The following NEURL1 variants were observed in gnomAD, a reference collection of about 807,000 sequenced individuals.
NEURL1 encodes neuralized E3 ubiquitin protein ligase 1, also known as E3 ubiquitin-protein ligase NEURL1.
NEURL1 carries 26 observed loss-of-function variants against 41.2 expected under a neutral mutation model. The ratio of observed to expected loss-of-function variants is 0.63; its 90% CI spans 0.46 to 0.87. NEURL1 has a LOEUF of 0.87. Among genes scored for constraint, NEURL1 ranks in the 40% least tolerant of loss-of-function variants. The pLI is 0.00. For missense variants in NEURL1, 761 were observed against 871.1 expected, an observed-to-expected ratio of 0.87 and a Z score of 1.59; for synonymous variants, 400 against 402.3, an observed-to-expected ratio of 0.99 and a Z score of 0.07.
chr10:103,540,356 C>A (rs1187288992), intron 1 of NEURL1, among the ~76,000 whole-genome samples: 5 of 152,072 alleles, frequency 3.3e-5, no homozygotes, highest in East Asian at 3.9e-4. Context: ...GTGGCCTGAT[C>A]TCAGCTCACT....
At chr10:103,574,137 T>C (rs1016257836) in intron 3 of NEURL1, among the ~76,000 whole-genome samples, 2 of 152,106 alleles carry the variant, frequency 1.3e-5, no homozygotes, top group African/African-American at 2.4e-5. Context: ...AGATGCGTTG[T>C]TAGATGAAGA....
intron 4 of NEURL1, among the ~76,000 whole-genome samples, chr10:103,587,508 C>T (rs2035947026): frequency 1.3e-5 from 2 of 152,166 alleles, no homozygotes; most frequent in South Asian, 4.2e-4. Flanking sequence ...GTTTGAAGAT[C>T]CTGACTGACT....
At position 103,571,022 on chromosome 10, in the gene NEURL1, G is replaced by A; in HGVS notation, c.236G>A (p.Ser79Asn). The change falls in exon 2 of 6, where the codon AGC becomes AAC. Residue 79 changes from serine (S) to asparagine (N), a missense_variant. Ser to Asn is a conservative substitution (Grantham distance 46). This residue lies in a region of NEURL1 where 65 missense variants were observed against 131.6 expected (regional missense o/e 0.49). Coordinates refer to ENST00000369780, the MANE Select transcript of NEURL1 (RefSeq NM_004210.5). ...TKGSQILMDL[S>N]HKAVKRQASF... is the part of the protein sequence containing the mutation. ...GGCTCCCAGATCCTCATGGACCTCAGCCACAAGGCTGTCAAGAGGCAGGCC... is the reference window on the plus strand; with the variant it reads ...GGCTCCCAGATCCTCATGGACCTCAACCACAAGGCTGTCAAGAGGCAGGCC... The A allele has an allele frequency of 6.2e-7, 1 of 1,614,026 alleles. No homozygotes were observed. The highest frequency in any genetic ancestry group is 8.5e-7 in the Non-Finnish European group (1 of 1,180,006).
intron 1 of NEURL1, among the ~76,000 whole-genome samples, chr10:103,547,561 A>C (rs1047546347): frequency 2.0e-5 from 3 of 152,354 alleles, no homozygotes; most frequent in Non-Finnish European, 4.4e-5. Flanking sequence ...CAAGAGCCAG[A>C]GGAAGCAGAA....
rs574623651 is a variant in NEURL1 at position 103,494,547 on chromosome 10, C to T, written c.85+75C>T. 1.3e-5 allele frequency: 17 copies of T among 1,271,792 alleles called. No homozygotes were observed. The East Asian group carries it at 1.8e-4, about 13-fold the overall frequency. 78.8% of individuals were successfully genotyped at this position (1,271,792 alleles called of 1,614,324 possible). On this transcript the variant is annotated intron_variant, in intron 1 of 5. Transcript: ENST00000369780. ...GCCAGGGAGGTGTGGTTGGGGAGGG[C>T]GGGCAGACGCCACCTGTTGTGCGTG...
chr10:103,584,391 T>G, intron 3 of NEURL1, 145 bp from the exon 4 acceptor site: 1 of 468,380 alleles, frequency 2.1e-6, no homozygotes. Flanking sequence ...TTCTTGACTG[T>G]GTTCGCTAAT....
intron 1 of NEURL1, among the ~76,000 whole-genome samples, chr10:103,507,590 G>A (rs1564804193): frequency 1.3e-5 from 2 of 152,172 alleles, no homozygotes; most frequent in African/African-American, 4.8e-5. Flanking sequence ...ACATGCACCT[G>A]GGGGCTCTGT....
In NEURL1 at chr10:103,591,604, A is replaced by C. The variant is rs2036049431; in HGVS notation, c.*1232A>C. On this transcript the variant is annotated 3_prime_UTR_variant, in exon 6 of 6. Transcript: ENST00000369780. The stretch of plus-strand genomic sequence containing the variant: ...TACCAATCATGAACTGGAACTCCAT[A>C]AGGAGGGGCCAAATTGGGAGGCCTT... 6.6e-6 allele frequency: 1 copy of C among 152,158 alleles called. No individual in the cohort carries two copies. The highest frequency in any genetic ancestry group is 1.5e-5 in the Non-Finnish European group (1 of 68,048). The allele number at this position is 152,158 out of a possible 1,614,324, so 9.4% of individuals were successfully genotyped here.
At chr10:103,519,676 T>C (rs972784509) in intron 1 of NEURL1, among the ~76,000 whole-genome samples, 1 of 152,240 alleles carries the variant, frequency 6.6e-6, no homozygotes, top group Non-Finnish European at 1.5e-5. Flanking sequence ...CTTGAGCCTG[T>C]TGTTTTGGGC....
intron 1 of NEURL1, among the ~76,000 whole-genome samples, chr10:103,510,113 G>A (rs371690286): frequency 5.3e-5 from 8 of 152,208 alleles, no homozygotes; most frequent in African/African-American, 7.2e-5. Context: ...TGAAGGGGCC[G>A]GTAGAGCAAC....
chr10:103,571,756 C>T lies in NEURL1; in HGVS notation c.583C>T (p.Arg195Cys), dbSNP rs144450414. ...TGTTATGCTGTTCTTCAGCGGGGTC[C>T]GCACGGCCGACCCGCTCTGGGCCCT... ...SAVMLFFSGV[R>C]TADPLWALVD... The change falls in exon 3 of 6, where the codon CGC becomes TGC. Residue 195 changes from arginine to cysteine, a missense_variant. This residue lies in a region of NEURL1 where 114 missense variants were observed against 144.8 expected (regional missense o/e 0.79). Transcript: ENST00000369780. 1.7e-5 allele frequency: 27 copies of T among 1,613,974 alleles called. No homozygotes were observed. In the East Asian group the frequency reaches 1.8e-4, roughly 11 times the overall value.
chr10:103,567,881 T>C (rs115202693), intron 1 of NEURL1, among the ~76,000 whole-genome samples: 91 of 152,340 alleles, frequency 6.0e-4, no homozygotes, highest in African/African-American at 2.1e-3. Context: ...AGTAAGTGTA[T>C]GTAAAACTAG....
At chr10:103,570,758 A>T in intron 1 of NEURL1, 114 bp from the exon 2 acceptor site, 5 of 1,509,120 alleles carry the variant, frequency 3.3e-6, no homozygotes, top group Non-Finnish European at 4.4e-6. Flanking sequence ...GTGGTGAAAG[A>T]ACTGGGCTCT....
At chr10:103,590,022 G>T in intron 5 of NEURL1, 112 bp from the exon 6 acceptor site, 1 of 1,109,846 alleles carries the variant, frequency 9.0e-7, no homozygotes, top group Non-Finnish European at 1.3e-6. Flanking sequence ...AGGGTGAACA[G>T]GCAGATCCTG....
At chr10:103,498,388 G>A (rs1370427358) in intron 1 of NEURL1, among the ~76,000 whole-genome samples, 2 of 152,118 alleles carry the variant, frequency 1.3e-5, no homozygotes, top group African/African-American at 2.4e-5. Flanking sequence ...CACCGCGCCC[G>A]GCTAATTTTT....
Position 103,584,944 on chromosome 10 carries a change from T to C in NEURL1, c.1058T>C (p.Leu353Pro). 2 of 1,495,738 alleles carry C rather than the reference T, an allele frequency of 1.3e-6. No homozygotes were observed. Among genetic ancestry groups the C allele is most frequent in the African/African-American group, 1.5e-5 (1 of 68,604 alleles). 92.7% of individuals were successfully genotyped at this position (1,495,738 alleles called of 1,614,324 possible). The change falls in exon 4 of 6, where the codon CTG becomes CCG. Residue 353 changes from leucine (L) to proline (P), a missense_variant. Transcript: ENST00000369780. ...TCGGGTGGCGCGCGGCCCGGCGCGC[T>C]GTCGTTCGGCGTCACCACGTGCGAC... is the stretch of plus-strand genomic sequence containing the variant. ...TRSGGARPGA[L>P]SFGVTTCDPG...
chr10:103,590,374 C>T lies in NEURL1; in HGVS notation c.*2C>T. ...ATCAAGACCTACCGCAGCTCCTAGC[C>T]CGTTGCGGTGGCCCATCCCGCATAC... On this transcript the variant is annotated 3_prime_UTR_variant, in exon 6 of 6. Coordinates refer to ENST00000369780, the MANE Select transcript of NEURL1 (RefSeq NM_004210.5). The T allele has an allele frequency of 6.2e-7, 1 of 1,610,472 alleles. No homozygotes were observed. Among genetic ancestry groups the T allele is most frequent in the Non-Finnish European group, 8.5e-7 (1 of 1,176,958 alleles).
rs368797964 is a variant in NEURL1, at chr10:103,585,041, C to T, written c.1155C>T (p.Ala385=). Residue 385 remains alanine (A), a synonymous_variant, in exon 4 of 6, where the codon GCC becomes GCT. Transcript: ENST00000369780. ...TGGTGGACCGCAAGGAATTCTGGGC[C>T]GTGTGCCGCGTGCCCGGGCCCCTGC... The part of the protein sequence containing the change: ...EALVDRKEFW[A]VCRVPGPLHS... The T allele has an allele frequency of 7.6e-6, 12 of 1,588,028 alleles. No homozygotes were observed. Among genetic ancestry groups the T allele is most frequent in the African/African-American group, 1.3e-5 (1 of 74,628 alleles).
chr10:103,502,572 C>G (rs1484727065), intron 1 of NEURL1, among the ~76,000 whole-genome samples: 2 of 152,208 alleles, frequency 1.3e-5, no homozygotes, highest in Admixed American at 1.3e-4. Flanking sequence ...CCTAAAGACC[C>G]TATCTCCAAA....
Sources: allele counts gnomAD v4.1 joint callset (sites outside exome capture counted in the v4.1 genomes callset), GRCh38; gene constraint gnomAD v4.1.1; regional missense constraint gnomAD v4.1.1; transcripts MANE v1.5; gene names NCBI Gene and HGNC (gene_info 2026-07-23, HGNC 2026-07-21).